Variants in CFAP54 observed in about 807,000 individuals in gnomAD.
CFAP54 encodes cilia and flagella associated protein 54, also known as cilia- and flagella-associated protein 54.
CFAP54 carries 290 observed loss-of-function variants against 370.4 expected under a neutral mutation model. That is an observed-to-expected ratio of 0.78 (90% CI 0.71 to 0.86). CFAP54 has a LOEUF of 0.86. CFAP54 is among the 40% of genes least tolerant of loss of function. The pLI is 0.00. For synonymous variants in CFAP54, 1,206 were observed against 1,236.5 expected (o/e 0.98, Z 0.52); for missense variants, 3,399 against 3,528.7 (o/e 0.96, Z 0.93).
chr12:96,815,230 A>G (rs1013229579), intron 64 of CFAP54, among the ~76,000 whole-genome samples: 24 of 152,088 alleles, frequency 1.6e-4, no homozygotes, highest in Admixed American at 1.4e-3. Flanking sequence ...TTTCTTGACT[A>G]TTTAATGATT....
At chr12:96,869,089 T>A (rs532665452) in intron 67 of CFAP54, among the ~76,000 whole-genome samples, 2 of 152,242 alleles carry the variant, frequency 1.3e-5, no homozygotes, top group African/African-American at 4.8e-5. Context: ...TTGTCATTTA[T>A]TTTATTTTTG....
At chr12:96,720,160 C>T (rs1185042634) in intron 49 of CFAP54, among the ~76,000 whole-genome samples, 1 of 152,190 alleles carries the variant, frequency 6.6e-6, no homozygotes, top group African/African-American at 2.4e-5. Context: ...ATAGTAAGCA[C>T]CAGCTGTGCA....
chr12:96,826,720 A>G (rs1959112249), intron 65 of CFAP54, among the ~76,000 whole-genome samples: 1 of 112,218 alleles, frequency 8.9e-6, no homozygotes, highest in Non-Finnish European at 1.6e-5. Flanking sequence ...AATATACAAC[A>G]GAATATATTA....
rs182237421 is a variant in CFAP54 at position 96,757,615 on chromosome 12, T to C, written c.8040+27T>C. 1,082 of 1,358,514 alleles carry C rather than the reference T, an allele frequency of 8.0e-4. 7 individuals carry two copies. The African/African-American group carries it at 0.014, about 17-fold the overall frequency. The allele number at this position is 1,358,514 out of a possible 1,614,324, so 84.2% of individuals were successfully genotyped here. A position where few individuals can be genotyped will look rare whatever the true frequency, so the allele number is the denominator to read the frequency against. On this transcript the variant is annotated intron_variant, in intron 58 of 67. Transcript: ENST00000524981. ...TAAGAGTCTATTTTATTAGAAATTA[T>C]GAGTTAATTGCCTTTGAGCTTGCTA...
At chr12:96,559,454 A>C (rs80323238) in intron 17 of CFAP54, among the ~76,000 whole-genome samples, 1 of 152,154 alleles carries the variant, frequency 6.6e-6, no homozygotes, top group Non-Finnish European at 1.5e-5. Context: ...CCAACTTTTT[A>C]TTTAACAATT....
In CFAP54 at chr12:96,739,563, A is replaced by ATACTCATTTTATTTAT. The variant is rs542530497; in HGVS notation, c.6966-393_6966-392insTACTCATTTTATTTAT. ...GAGAATCACATTCTGATGTACATAAAGTACATATATACTCATTTTATTAAA... is the reference window on the plus strand; with the variant it reads ...GAGAATCACATTCTGATGTACATAAATACTCATTTTATTTATGTACATATATACTCATTTTATTAAA... On this transcript the variant is annotated intron_variant, in intron 50 of 67. Transcript: ENST00000524981. 7.2e-5 allele frequency among the ~76,000 whole-genome samples: 11 copies of ATACTCATTTTATTTAT among 152,346 alleles called. No individual in the cohort carries two copies. The South Asian group carries it at 2.3e-3, about 32-fold the overall frequency.
In CFAP54 at chr12:96,631,047, T is replaced by A. The variant is rs114584102; in HGVS notation, c.4316+396T>A. 4.0e-3 allele frequency among the ~76,000 whole-genome samples: 608 copies of A among 152,042 alleles called. 4 individuals are homozygous for A. The highest frequency in any genetic ancestry group is 0.014 in the African/African-American group (588 of 41,534). The stretch of plus-strand genomic sequence containing the variant: ...CATTATAAGTACACATGTGTAAGAA[T>A]TTTTTATTCTTATACATTCTTTATA... On this transcript the variant is annotated intron_variant, in intron 32 of 67. Coordinates refer to ENST00000524981, the MANE Select transcript of CFAP54 (RefSeq NM_001306084.2).
intron 11 of CFAP54, among the ~76,000 whole-genome samples, chr12:96,534,803 G>C (rs1414884773): frequency 1.3e-5 from 2 of 152,090 alleles, no homozygotes; most frequent in East Asian, 3.8e-4. Context: ...TAAGTAATTT[G>C]TACCAAGTAA....
At position 96,538,402 on chromosome 12, in the gene CFAP54, G is replaced by T; in HGVS notation, c.1810G>T (p.Glu604Ter). The change falls in exon 13 of 68, where the codon GAA becomes TAA. Residue 604 changes from glutamate (E) to a stop codon, truncating the protein, a stop_gained. Transcript: ENST00000524981. LOFTEE classifies it high-confidence loss of function. ...TTTTTAGGATGTTCAACCTGATAAA[G>T]AAATTGTTGTGGACACGATAATGTT... ...TAPQDVQPDKEIVVDTIMFLW... is the reference protein window; with the variant it reads ...TAPQDVQPDK The T allele has an allele frequency of 3.9e-6, 6 of 1,534,906 alleles. No homozygotes were observed. Among genetic ancestry groups the T allele is most frequent in the Non-Finnish European group, 5.2e-6 (6 of 1,146,410 alleles).
chr12:96,680,889 G>T (rs1957261666), intron 40 of CFAP54, among the ~76,000 whole-genome samples: 1 of 152,152 alleles, frequency 6.6e-6, no homozygotes, highest in Admixed American at 6.5e-5. Flanking sequence ...TTAGAGACCA[G>T]CCTGGCCAAC....
intron 48 of CFAP54, among the ~76,000 whole-genome samples, chr12:96,714,167 T>TA (rs1314361179): frequency 6.6e-6 from 1 of 152,208 alleles, no homozygotes; most frequent in South Asian, 2.1e-4. Flanking sequence ...AGTTAGAACT[T>TA]ACGTTGGCTT....
At chr12:96,615,967 G>C (rs1956412406) in intron 26 of CFAP54, among the ~76,000 whole-genome samples, 1 of 152,168 alleles carries the variant, frequency 6.6e-6, no homozygotes, top group Non-Finnish European at 1.5e-5. Context: ...ATTCCTCAGG[G>C]ATCTAGAACT....
intron 32 of CFAP54, among the ~76,000 whole-genome samples, chr12:96,630,973 T>C (rs1306024321): frequency 6.6e-6 from 1 of 152,004 alleles, no homozygotes; most frequent in Non-Finnish European, 1.5e-5. Context: ...AGTTCTTGAT[T>C]ATAAAATATA....
intron 1 of CFAP54, among the ~76,000 whole-genome samples, chr12:96,499,177 C>T (rs902862856): frequency 9.9e-5 from 15 of 152,140 alleles, no homozygotes; most frequent in African/African-American, 3.1e-4. Context: ...CCATGTTCAC[C>T]ATGTTGGACA....
chr12:96,621,661 C>A lies in CFAP54; in HGVS notation c.3711C>A (p.Ile1237=). The part of the protein sequence containing the change: ...IINYGKKMLD[I]TPGCKSLFDG... Reference sequence around the variant, plus strand: ...ATTATGGGAAAAAAATGTTGGACATCACACCAGGATGCAAGTCTCTGTTTG... The same window carrying A: ...ATTATGGGAAAAAAATGTTGGACATAACACCAGGATGCAAGTCTCTGTTTG... The change falls in exon 27 of 68, where the codon ATC becomes ATA. Residue 1237 remains isoleucine, a synonymous_variant. Coordinates refer to ENST00000524981, the MANE Select transcript of CFAP54 (RefSeq NM_001306084.2). The A allele has an allele frequency of 6.5e-7, 1 of 1,528,810 alleles. No homozygotes were observed. The highest frequency in any genetic ancestry group is 8.8e-7 in the Non-Finnish European group (1 of 1,142,238). The allele number at this position is 1,528,810 out of a possible 1,614,324, so 94.7% of individuals were successfully genotyped here.
intron 25 of CFAP54, 71 bp downstream of exon 25, chr12:96,594,517 AAAAGCC>A: frequency 8.2e-7 from 1 of 1,225,166 alleles, no homozygotes. Context: ...TTTAGAAAAG[AAAAGCC>A]ATGTATCTCT....
In CFAP54 at chr12:96,647,472, C is replaced by CAAAAAAAAAAAAAAAAAAAA. The variant is rs57089692; in HGVS notation, c.4548-398_4548-379dup. Among the ~76,000 whole-genome samples, 77 of 40,762 alleles carry CAAAAAAAAAAAAAAAAAAAA rather than the reference C, an allele frequency of 1.9e-3. 9 individuals are homozygous for CAAAAAAAAAAAAAAAAAAAA. The highest frequency in any genetic ancestry group is 2.3e-3 in the Non-Finnish European group (56 of 23,992). The allele number at this position is 40,762 out of a possible 152,430, so 26.7% of individuals were successfully genotyped here. On this transcript the variant is annotated intron_variant, in intron 33 of 67. Transcript: ENST00000524981. ...TGGGCGACAGAGCGAGACTCTGTCCCAAAAAAAAAAAAAAAAAAAAAAAAG... is the reference window on the plus strand; with the variant it reads ...TGGGCGACAGAGCGAGACTCTGTCCCAAAAAAAAAAAAAAAAAAAAAAAAAAAAAAAAAAAAAAAAAAAAG...
intron 17 of CFAP54, among the ~76,000 whole-genome samples, chr12:96,556,851 A>G (rs1227699913): frequency 6.6e-6 from 1 of 152,168 alleles, no homozygotes; most frequent in Admixed American, 6.6e-5. Flanking sequence ...GAGCTAAATG[A>G]TAAGAACACA....
At chr12:96,829,232 A>AAGG (rs1959161360) in intron 66 of CFAP54, 144 bp downstream of exon 66, 2 of 475,960 alleles carry the variant, frequency 4.2e-6, no homozygotes, top group Admixed American at 7.2e-5. Context: ...ATGAGTTTAC[A>AAGG]ATAACACATT....
Sources: allele counts gnomAD v4.1 joint callset (sites outside exome capture counted in the v4.1 genomes callset), GRCh38; gene constraint gnomAD v4.1.1; transcripts MANE v1.5; gene names NCBI Gene and HGNC (gene_info 2026-07-23, HGNC 2026-07-21).